The following DBT variants were observed in gnomAD, a reference collection of about 807,000 sequenced individuals.
The protein encoded by DBT is dihydrolipoamide branched chain transacylase E2.
DBT carries 40 observed loss-of-function variants against 51.3 expected under a neutral mutation model. The ratio of observed to expected loss-of-function variants is 0.78; its 90% CI spans 0.61 to 1.02. DBT has a LOEUF of 1.02. Ranked by LOEUF, DBT falls within the 50% of genes least tolerant of loss-of-function variation. The probability of loss-of-function intolerance (pLI) is 0.00; values close to 1 mark genes in which losing one functional copy is unlikely to be tolerated. For synonymous variants in DBT, 181 were observed against 190.4 expected, an observed-to-expected ratio of 0.95 and a Z score of 0.41; for missense variants, 510 against 580.2, an observed-to-expected ratio of 0.88 and a Z score of 1.24.
At chr1:100,237,633 A>G (rs1349446236) in intron 2 of DBT, among the ~76,000 whole-genome samples, 1 of 152,000 alleles carries the variant, frequency 6.6e-6, no homozygotes, top group East Asian at 1.9e-4. Context: ...GAAGTATAGA[A>G]TTTATTAATT....
intron 4 of DBT, among the ~76,000 whole-genome samples, chr1:100,220,045 T>G (rs1662759477): frequency 6.6e-6 from 1 of 151,948 alleles, no homozygotes; most frequent in South Asian, 2.1e-4. Context: ...CTCAGGAGGC[T>G]GAAGTGGGAG....
intron 10 of DBT, among the ~76,000 whole-genome samples, chr1:100,203,800 T>C (rs780561321): frequency 1.6e-4 from 24 of 152,142 alleles, no homozygotes; most frequent in Non-Finnish European, 3.2e-4. Flanking sequence ...GTTCAACATG[T>C]GCAAATCAAT....
At chr1:100,207,956 C>A (rs1041533682) in intron 8 of DBT, among the ~76,000 whole-genome samples, 10 of 151,972 alleles carry the variant, frequency 6.6e-5, no homozygotes, top group African/African-American at 2.2e-4. Flanking sequence ...CACAGTGAAA[C>A]CCCATCTGTA....
intron 1 of DBT, among the ~76,000 whole-genome samples, chr1:100,244,016 T>G (rs1171582979): frequency 7.5e-6 from 1 of 133,642 alleles, no homozygotes; most frequent in Non-Finnish European, 1.5e-5. Context: ...TTCATAGCTG[T>G]AATCTCATTG....
Position 100,249,395 on chromosome 1 carries a change from G to A in DBT, c.51+375C>T, listed in dbSNP as rs879870529. ...TGTAGATTCCTTGAGGGTAGGGGTC[G>A]TGTTACCAGTGTTTGGCATACTGTG... On this transcript the variant is annotated intron_variant, in intron 1 of 10. Coordinates refer to ENST00000370132, the MANE Select transcript of DBT (RefSeq NM_001918.5). The A allele has an allele frequency of 9.9e-5, 36 of 363,742 alleles. No individual in the cohort carries two copies. The Admixed American group carries it at 1.3e-3, about 13-fold the overall frequency. The allele number at this position is 363,742 out of a possible 1,614,324, so 22.5% of individuals were successfully genotyped here. A position where few individuals can be genotyped will look rare whatever the true frequency, so the allele number is the denominator to read the frequency against.
intron 1 of DBT, among the ~76,000 whole-genome samples, chr1:100,246,385 G>A (rs897545733): frequency 2.0e-5 from 3 of 152,240 alleles, no homozygotes; most frequent in African/African-American, 7.2e-5. Context: ...ATAGGCAGCT[G>A]TTGAGCACTC....
At chr1:100,246,981 T>C (rs1230935192) in intron 1 of DBT, among the ~76,000 whole-genome samples, 8 of 151,992 alleles carry the variant, frequency 5.3e-5, no homozygotes, top group Non-Finnish European at 1.2e-4. Context: ...GAAATACATG[T>C]GCAAAGGTCT....
intron 10 of DBT, among the ~76,000 whole-genome samples, chr1:100,205,844 C>A (rs2100778470): frequency 6.7e-6 from 1 of 149,392 alleles, no homozygotes; most frequent in East Asian, 1.9e-4. Flanking sequence ...CCAAACACTG[C>A]ATGTTCTCAC....
Position 100,196,189 on chromosome 1 carries a change from G to T in DBT, c.*66C>A. The T allele has an allele frequency of 7.7e-7, 1 of 1,298,094 alleles. No homozygotes were observed. The highest frequency in any genetic ancestry group is 1.1e-6 in the Non-Finnish European group (1 of 892,890). The allele number at this position is 1,298,094 out of a possible 1,614,324, so 80.4% of individuals were successfully genotyped here. On this transcript the variant is annotated 3_prime_UTR_variant, in exon 11 of 11. Coordinates refer to ENST00000370132, the MANE Select transcript of DBT (RefSeq NM_001918.5). ...ATATAAATTGTAAAGATGAACATGT[G>T]CTGGCACAGCTAGGGTTTACATACT...
intron 1 of DBT, among the ~76,000 whole-genome samples, chr1:100,245,239 AGG>A (rs1664469905): frequency 1.3e-5 from 2 of 151,572 alleles, no homozygotes; most frequent in Admixed American, 1.3e-4. Context: ...AAATAAAGAC[AGG>A]GTCTCACTTT....
At chr1:100,217,876 C>T (rs942335333) in intron 5 of DBT, among the ~76,000 whole-genome samples, 2 of 152,226 alleles carry the variant, frequency 1.3e-5, no homozygotes, top group African/African-American at 4.8e-5. Context: ...TCTAACAGCA[C>T]AGGTTTTGGA....
intron 10 of DBT, among the ~76,000 whole-genome samples, chr1:100,198,484 A>T (rs1014466288): frequency 2.6e-5 from 4 of 152,242 alleles, no homozygotes; most frequent in African/African-American, 9.6e-5. Flanking sequence ...TTAAATGGTC[A>T]ATTTATGTTT....
chr1:100,247,191 T>C (rs1206011664), intron 1 of DBT, among the ~76,000 whole-genome samples: 1 of 152,192 alleles, frequency 6.6e-6, no homozygotes, highest in Non-Finnish European at 1.5e-5. Context: ...ATTTTGGACA[T>C]TTTGCTGAAG....
intron 4 of DBT, among the ~76,000 whole-genome samples, chr1:100,225,188 C>T (rs1056930302): frequency 5.9e-5 from 9 of 151,468 alleles, no homozygotes; most frequent in Non-Finnish European, 8.8e-5. Context: ...GAAGTTTCCT[C>T]GTATTCCTTG....
intron 8 of DBT, among the ~76,000 whole-genome samples, chr1:100,209,389 C>T (rs1285287772): frequency 6.6e-6 from 1 of 151,864 alleles, no homozygotes; most frequent in Non-Finnish European, 1.5e-5. Flanking sequence ...CAGGAGCCAC[C>T]ACACCCGGCC....
In DBT at chr1:100,196,008, C is replaced by G; in HGVS notation, c.*247G>C. The G allele has an allele frequency of 1.9e-6, 1 of 530,818 alleles. No homozygotes were observed. The highest frequency in any genetic ancestry group is 2.1e-5 in the South Asian group (1 of 47,056). 32.9% of individuals were successfully genotyped at this position (530,818 alleles called of 1,614,324 possible). A position where few individuals can be genotyped will look rare whatever the true frequency, so the allele number is the denominator to read the frequency against. On this transcript the variant is annotated 3_prime_UTR_variant, in exon 11 of 11. Transcript: ENST00000370132. Reference sequence around the variant, plus strand: ...CAGTTTCAAGCCATTGACACAAAAACATCAGCACCATATTAAGAAGTCACA... The same window carrying G: ...CAGTTTCAAGCCATTGACACAAAAAGATCAGCACCATATTAAGAAGTCACA...
chr1:100,212,065 C>T (rs1290371969), intron 7 of DBT, among the ~76,000 whole-genome samples: 2 of 152,154 alleles, frequency 1.3e-5, no homozygotes, highest in African/African-American at 4.8e-5. Context: ...AGACACTGCG[C>T]CCAGCCAACT....
intron 10 of DBT, among the ~76,000 whole-genome samples, chr1:100,197,386 T>C (rs966380356): frequency 2.0e-5 from 3 of 152,132 alleles, no homozygotes; most frequent in Non-Finnish European, 4.4e-5. Flanking sequence ...AGAGGACGAC[T>C]TTAGGAGGAG....
chr1:100,218,340 A>G (rs1307787132), intron 5 of DBT, among the ~76,000 whole-genome samples: 1 of 152,176 alleles, frequency 6.6e-6, no homozygotes, highest in Non-Finnish European at 1.5e-5. Context: ...AGCACCTGAC[A>G]TAAGACCTGG....
Sources: allele counts gnomAD v4.1 joint callset (sites outside exome capture counted in the v4.1 genomes callset), GRCh38; gene constraint gnomAD v4.1.1; transcripts MANE v1.5; gene names NCBI Gene and HGNC (gene_info 2026-07-23, HGNC 2026-07-21).